Variants in UGT8 observed in about 807,000 individuals in gnomAD.
UGT8 encodes the protein UDP glycosyltransferase 8.
A neutral mutation model predicts 40.5 loss-of-function variants in UGT8; 12 were observed. That is an observed-to-expected ratio of 0.30 (90% CI 0.19 to 0.48). The LOEUF is 0.48. UGT8 is among the 20% of genes least tolerant of loss of function. The pLI is 0.99. For synonymous variants in UGT8, 224 were observed against 240.4 expected, an observed-to-expected ratio of 0.93 and a Z score of 0.63; for missense variants, 513 against 648.7, an observed-to-expected ratio of 0.79 and a Z score of 2.27.
rs60533468 is a variant in UGT8, at chr4:114,611,403, C to CATATAT, written c.-2-11438_-2-11433dup. Reference sequence around the variant, plus strand: ...GTAGGATAACATAGCCATATATATCCATATATATATATATATATATATATA... The same window carrying CATATAT: ...GTAGGATAACATAGCCATATATATCCATATATATATATATATATATATATATATATA... On this transcript the variant is annotated intron_variant, in intron 1 of 5. Coordinates refer to ENST00000310836, the MANE Select transcript of UGT8 (RefSeq NM_001128174.3). 5.6e-4 allele frequency among the ~76,000 whole-genome samples: 59 copies of CATATAT among 106,228 alleles called. 1 individual carries two copies. Among genetic ancestry groups the CATATAT allele is most frequent in the Non-Finnish European group, 8.2e-4 (46 of 56,372 alleles). 69.7% of individuals were successfully genotyped at this position (106,228 alleles called of 152,430 possible).
chr4:114,642,854 A>G (rs1733313206), intron 2 of UGT8, among the ~76,000 whole-genome samples: 1 of 152,272 alleles, frequency 6.6e-6, no homozygotes, highest in East Asian at 1.9e-4. Flanking sequence ...AATGCAGAAT[A>G]TGGTATTTTT....
intron 3 of UGT8, 69 bp downstream of exon 3, chr4:114,664,206 C>CCAGTAA: frequency 6.5e-7 from 1 of 1,532,716 alleles, no homozygotes; most frequent in South Asian, 1.2e-5. Context: ...TGCACAGGTC[C>CCAGTAA]CAGTAAAGCA....
chr4:114,639,090 T>C (rs1195030973), intron 2 of UGT8, among the ~76,000 whole-genome samples: 3 of 152,228 alleles, frequency 2.0e-5, no homozygotes, highest in African/African-American at 7.2e-5. Flanking sequence ...GCCGTAAACC[T>C]TAAAGCCCTC....
intron 4 of UGT8, among the ~76,000 whole-genome samples, chr4:114,666,594 T>C (rs1265367848): frequency 6.6e-6 from 1 of 152,206 alleles, no homozygotes; most frequent in African/African-American, 2.4e-5. Flanking sequence ...CTTAGATTCC[T>C]TAGAAGATAG....
In UGT8 at chr4:114,676,327, A is replaced by T. The variant is rs750170015; in HGVS notation, c.*39A>T. On this transcript the variant is annotated 3_prime_UTR_variant, in exon 6 of 6. Transcript: ENST00000310836. ...GTGATAGAAATAAATTGGTTCACTC[A>T]TTGAATTTTTATTGCTATTATTTAG... 6.7e-7 allele frequency: 1 copy of T among 1,499,854 alleles called. No individual in the cohort carries two copies. Among genetic ancestry groups the T allele is most frequent in the Non-Finnish European group, 8.9e-7 (1 of 1,119,362 alleles). The allele number at this position is 1,499,854 out of a possible 1,614,324, so 92.9% of individuals were successfully genotyped here.
chr4:114,660,903 A>AG (rs1390927463), intron 2 of UGT8, among the ~76,000 whole-genome samples: 1 of 151,920 alleles, frequency 6.6e-6, no homozygotes, highest in South Asian at 2.1e-4. Flanking sequence ...AAAAAAAAAA[A>AG]AAAAAAATTA....
In UGT8 at chr4:114,678,209, A is replaced by G. The variant is rs560789249; in HGVS notation, c.*1921A>G. On this transcript the variant is annotated 3_prime_UTR_variant, in exon 6 of 6. Coordinates refer to ENST00000310836, the MANE Select transcript of UGT8 (RefSeq NM_001128174.3). ...ACTGTGATAAAAACTTAAATAATAA[A>G]CATGATTTAAAATAGAGAAGTGTTG... 6.6e-6 allele frequency: 1 copy of G among 152,314 alleles called. No individual in the cohort carries two copies. Among genetic ancestry groups the G allele is most frequent in the East Asian group, 1.9e-4 (1 of 5,192 alleles). The allele number at this position is 152,314 out of a possible 1,614,324, so 9.4% of individuals were successfully genotyped here.
At chr4:114,658,104 T>A (rs1244497398) in intron 2 of UGT8, among the ~76,000 whole-genome samples, 1 of 152,232 alleles carries the variant, frequency 6.6e-6, no homozygotes, top group Non-Finnish European at 1.5e-5. Flanking sequence ...ATCCCAAGAT[T>A]TTTTTAAGAG....
upstream of UGT8, chr4:114,598,505 T>G (rs1730218194): frequency 6.6e-6 from 1 of 152,292 alleles, no homozygotes; most frequent in Non-Finnish European, 1.5e-5. Context: ...GCGCTGCCCC[T>G]TGCCCAGCCT....
intron 1 of UGT8, among the ~76,000 whole-genome samples, chr4:114,616,645 C>G (rs752251294): frequency 6.6e-6 from 1 of 152,100 alleles, no homozygotes; most frequent in Non-Finnish European, 1.5e-5. Context: ...GAGATGAACC[C>G]AGTACCTCAG....
chr4:114,609,847 C>T (rs1730942062), intron 1 of UGT8, among the ~76,000 whole-genome samples: 2 of 152,234 alleles, frequency 1.3e-5, no homozygotes, highest in South Asian at 2.1e-4. Flanking sequence ...ACATTTTGAA[C>T]CAGACATGTT....
intron 2 of UGT8, among the ~76,000 whole-genome samples, chr4:114,627,509 C>T (rs184801263): frequency 2.2e-4 from 34 of 152,170 alleles, no homozygotes; most frequent in African/African-American, 7.5e-4. Context: ...CTGCCCGTCT[C>T]GGCCTCCCAA....
At chr4:114,631,380 G>A (rs368830491) in intron 2 of UGT8, among the ~76,000 whole-genome samples, 4 of 152,262 alleles carry the variant, frequency 2.6e-5, no homozygotes, top group South Asian at 2.1e-4. Flanking sequence ...CCAGCTACTC[G>A]GGAGGCTGAA....
At chr4:114,621,891 A>G (rs1230620226) in intron 1 of UGT8, among the ~76,000 whole-genome samples, 2 of 152,176 alleles carry the variant, frequency 1.3e-5, no homozygotes, top group East Asian at 1.9e-4. Flanking sequence ...TAGAACAAAT[A>G]TCAGGATAAT....
chr4:114,615,500 C>T (rs924750988), intron 1 of UGT8, among the ~76,000 whole-genome samples: 2 of 152,236 alleles, frequency 1.3e-5, no homozygotes, highest in Middle Eastern at 3.4e-3. Context: ...CTGAGTCCCC[C>T]TAGGGCTTCC....
intron 2 of UGT8, among the ~76,000 whole-genome samples, chr4:114,627,991 C>G (rs994631652): frequency 6.6e-6 from 1 of 152,098 alleles, no homozygotes; most frequent in Non-Finnish European, 1.5e-5. Context: ...TGAACTGTAT[C>G]AAATAGAAAT....
chr4:114,655,066 GTTTTTTT>G (rs751913600), intron 2 of UGT8, among the ~76,000 whole-genome samples: 1 of 138,418 alleles, frequency 7.2e-6, no homozygotes, highest in Non-Finnish European at 1.6e-5. Flanking sequence ...TTTGTTTTTT[GTTTTTTT>G]TTTTGTAAAG....
intron 2 of UGT8, among the ~76,000 whole-genome samples, chr4:114,646,119 C>T (rs940903354): frequency 2.6e-5 from 4 of 151,866 alleles, no homozygotes; most frequent in African/African-American, 9.7e-5. Flanking sequence ...TACTGTTTTG[C>T]AAGATTTATG....
intron 2 of UGT8, among the ~76,000 whole-genome samples, chr4:114,639,334 C>T (rs902615473): frequency 3.3e-5 from 5 of 152,230 alleles, no homozygotes; most frequent in Admixed American, 3.3e-4. Context: ...CAAGCCTCAT[C>T]TTCTAGGTGT....
Sources: allele counts gnomAD v4.1 joint callset (sites outside exome capture counted in the v4.1 genomes callset), GRCh38; gene constraint gnomAD v4.1.1; transcripts MANE v1.5; gene names NCBI Gene and HGNC (gene_info 2026-07-23, HGNC 2026-07-21).